Variants in CYP3A4 observed in about 807,000 individuals in gnomAD.
The protein encoded by CYP3A4 is cytochrome P450 family 3 subfamily A member 4, also known as cytochrome P450 3A4.
In CYP3A4, 41 loss-of-function variants were observed where a neutral mutation model predicts 54.9. That is an observed-to-expected ratio of 0.75 (90% confidence interval 0.58 to 0.97). The LOEUF (loss-of-function observed/expected upper bound fraction) is 0.97. Among genes scored for constraint, CYP3A4 ranks in the 50% least tolerant of loss-of-function variants. The pLI, the probability that CYP3A4 is intolerant of heterozygous loss-of-function variation, is 0.00. For missense variants in CYP3A4, 510 were observed against 597.3 expected, an observed-to-expected ratio of 0.85 and a Z score of 1.52; for synonymous variants, 179 against 205.2, an observed-to-expected ratio of 0.87 and a Z score of 1.09.
chr7:99,770,275 G>A, intron 4 of CYP3A4, 40 bp from the exon 5 acceptor site: 1 of 1,530,456 alleles, frequency 6.5e-7, no homozygotes, highest in Non-Finnish European at 9.1e-7. Flanking sequence ...TACATCAGTT[G>A]TGGAGGTCTC....
intron 9 of CYP3A4, 111 bp downstream of exon 9, chr7:99,766,266 T>A (rs1356627395): frequency 1.5e-6 from 2 of 1,300,502 alleles, no homozygotes; most frequent in Non-Finnish European, 2.2e-6. Flanking sequence ...CATGTGTCGT[T>A]CTGCTATGTG....
At chr7:99,783,900 C>T (rs532195938) in intron 1 of CYP3A4, 111 bp downstream of exon 1, 19 of 1,293,082 alleles carry the variant, frequency 1.5e-5, no homozygotes, top group East Asian at 7.1e-5. Flanking sequence ...TAAGCCACCA[C>T]GCCCGGCCTG....
chr7:99,770,611 G>T (rs1415133849), intron 4 of CYP3A4, among the ~76,000 whole-genome samples: 1 of 151,912 alleles, frequency 6.6e-6, no homozygotes, highest in Non-Finnish European at 1.5e-5. Flanking sequence ...ACAAGCAGGT[G>T]ACTTTGGTGG....
At chr7:99,758,294 A>C in intron 12 of CYP3A4, 66 bp from the exon 13 acceptor site, 1 of 1,547,660 alleles carries the variant, frequency 6.5e-7, no homozygotes, top group Non-Finnish European at 8.9e-7. Context: ...ATAGCATCAA[A>C]GTGAGTGAGA....
In CYP3A4 at chr7:99,768,493, C is replaced by T. The variant is rs1160121786; in HGVS notation, c.531G>A (p.Gly177=). 6 of 1,613,776 alleles carry T rather than the reference C, an allele frequency of 3.7e-6. No individual in the cohort carries two copies. The South Asian group carries it at 6.6e-5, about 18-fold the overall frequency. ...GKPVTLKDVF[G]AYSMDVITST... is the part of the protein sequence containing the mutation. ...TAGTGATCACATCCATGCTGTAGGC[C>T]CCAAAGACGCTGAGTGGAGAAAGAT... Residue 177 remains glycine (G), a synonymous_variant, in exon 7 of 13, where the codon GGG becomes GGA. Coordinates refer to ENST00000651514, the MANE Select transcript of CYP3A4 (RefSeq NM_017460.6).
intron 7 of CYP3A4, among the ~76,000 whole-genome samples, chr7:99,768,084 C>A (rs900143516): frequency 3.3e-5 from 5 of 152,246 alleles, no homozygotes; most frequent in African/African-American, 1.2e-4. Flanking sequence ...CCAGAATAGG[C>A]AAATCCATAG....
At chr7:99,779,869 A>T in intron 2 of CYP3A4, 123 bp downstream of exon 2, 1 of 884,304 alleles carries the variant, frequency 1.1e-6, no homozygotes, top group Non-Finnish European at 1.7e-6. Flanking sequence ...GGTGATGCCT[A>T]CACACTGTTT....
chr7:99,765,732 A>G (rs1815461926), intron 9 of CYP3A4, among the ~76,000 whole-genome samples: 2 of 152,182 alleles, frequency 1.3e-5, no homozygotes. Flanking sequence ...TCAGTAAAAA[A>G]CATACATGGG....
intron 2 of CYP3A4, 78 bp downstream of exon 2, chr7:99,779,914 G>T: frequency 7.3e-7 from 1 of 1,364,354 alleles, no homozygotes; most frequent in Non-Finnish European, 1.0e-6. Flanking sequence ...TCCCCCTGAG[G>T]AGAAGCATTT....
At chr7:99,768,283 G>T in intron 7 of CYP3A4, 71 bp downstream of exon 7, 1 of 1,467,362 alleles carries the variant, frequency 6.8e-7, no homozygotes, top group Non-Finnish European at 9.5e-7. Context: ...ATTACATGGT[G>T]ATTTATATCT....
chr7:99,783,632 A>T, intron 1 of CYP3A4, among the ~76,000 whole-genome samples: 1 of 102,596 alleles, frequency 9.7e-6, no homozygotes. Flanking sequence ...TTTTTTTGAG[A>T]CAGCCTCACT....
chr7:99,767,050 G>A (rs777545036), intron 8 of CYP3A4, 81 bp downstream of exon 8: 2 of 1,287,608 alleles, frequency 1.6e-6, no homozygotes, highest in Non-Finnish European at 2.2e-6. Flanking sequence ...AAACATACAG[G>A]TAACTGCACT....
intron 12 of CYP3A4, among the ~76,000 whole-genome samples, chr7:99,759,296 C>T (rs1584538812): frequency 6.6e-6 from 1 of 152,138 alleles, no homozygotes; most frequent in South Asian, 2.1e-4. Context: ...GAATCAATGA[C>T]GTCTGTTCTT....
chr7:99,778,747 G>A (rs1815839470), intron 2 of CYP3A4, among the ~76,000 whole-genome samples: 1 of 152,166 alleles, frequency 6.6e-6, no homozygotes, highest in Non-Finnish European at 1.5e-5. Context: ...AGTTTTCACT[G>A]AAACTTAAAA....
chr7:99,769,270 CTCTT>C (rs536769786), intron 6 of CYP3A4, among the ~76,000 whole-genome samples: 7 of 152,258 alleles, frequency 4.6e-5, no homozygotes, highest in African/African-American at 1.4e-4. Context: ...ACCACCCTCT[CTCTT>C]TGAGACTGGA....
In CYP3A4 at chr7:99,764,035, A is replaced by G; in HGVS notation, c.866-20T>C. ...ACAGAGCTGAAAGGAGAGGAAAGAC[A>G]TTTTAGGTAAATCAGATCAATGTAG... is the stretch of plus-strand genomic sequence containing the variant. On this transcript the variant is annotated intron_variant, in intron 9 of 12. Coordinates refer to ENST00000651514, the MANE Select transcript of CYP3A4 (RefSeq NM_017460.6). 1 of 1,613,762 alleles carries G rather than the reference A, an allele frequency of 6.2e-7. No individual in the cohort carries two copies. The highest frequency in any genetic ancestry group is 8.5e-7 in the Non-Finnish European group (1 of 1,179,764).
chr7:99,774,900 T>C (rs1421328105), intron 3 of CYP3A4, among the ~76,000 whole-genome samples: 2 of 152,158 alleles, frequency 1.3e-5, no homozygotes, highest in Non-Finnish European at 2.9e-5. Context: ...AGTCAAATTG[T>C]CTCTGTTTGC....
intron 10 of CYP3A4, 87 bp from the exon 11 acceptor site, chr7:99,762,354 G>T: frequency 6.7e-7 from 1 of 1,493,208 alleles, no homozygotes; most frequent in Non-Finnish European, 9.2e-7. Flanking sequence ...AGTATTAGGA[G>T]CTCCAGAGAC....
chr7:99,768,092 T>C (rs997287004), intron 7 of CYP3A4, among the ~76,000 whole-genome samples: 1 of 152,176 alleles, frequency 6.6e-6, no homozygotes, highest in Non-Finnish European at 1.5e-5. Flanking sequence ...GGCAAATCCA[T>C]AGAAGCAGAA....
Sources: gnomAD v4.1 joint callset for allele counts (sites outside exome capture counted in the v4.1 genomes callset) on GRCh38, gnomAD v4.1.1 for gene constraint, MANE v1.5 for transcripts, NCBI Gene and HGNC (gene_info 2026-07-23, HGNC 2026-07-21) for gene names.